The following FRMPD4 variants were observed in gnomAD, a reference collection of about 807,000 sequenced individuals.
The protein encoded by FRMPD4 is FERM and PDZ domain-containing protein 4.
FRMPD4 carries 22 observed loss-of-function variants against 94.1 expected under a neutral mutation model. The observed-to-expected ratio is 0.23, with a 90% confidence interval of 0.17 to 0.33. The LOEUF (loss-of-function observed/expected upper bound fraction) is 0.33, where lower values mean the gene tolerates loss of function less well. Ranked by LOEUF, FRMPD4 falls within the 10% of genes least tolerant of loss-of-function variation. The pLI is 1.00. For missense variants in FRMPD4, 1,111 were observed against 1,339.9 expected (o/e 0.83, Z 2.67); for synonymous variants, 631 against 548.6 (o/e 1.15, Z -2.10).
chrX:12,018,588 G>C (rs1489013081), intron 3 of FRMPD4, among the ~76,000 whole-genome samples: 1 of 109,761 alleles, frequency 9.1e-6, no homozygotes, highest in Non-Finnish European at 1.9e-5. Context: ...GGTAATTTTT[G>C]TATTTTTAAT....
intron 3 of FRMPD4, among the ~76,000 whole-genome samples, chrX:12,012,696 C>T (rs1226588670): frequency 8.9e-6 from 1 of 112,286 alleles, no homozygotes; most frequent in Non-Finnish European, 1.9e-5. Context: ...AAATTTGTGT[C>T]TTACTGTAGT....
chrX:11,981,296 G>T (rs1269742887), intron 3 of FRMPD4, among the ~76,000 whole-genome samples: 3 of 111,443 alleles, frequency 2.7e-5, no homozygotes, highest in Admixed American at 9.5e-5. Flanking sequence ...ATTAAGAGAG[G>T]TAATATTAAT....
At chrX:12,195,415 A>T (rs1262613804) in intron 1 of FRMPD4, among the ~76,000 whole-genome samples, 1 of 111,953 alleles carries the variant, frequency 8.9e-6, no homozygotes, top group African/African-American at 3.3e-5. Flanking sequence ...AAAGATACGG[A>T]CCAAGTCTGG....
intron 3 of FRMPD4, among the ~76,000 whole-genome samples, chrX:11,984,641 T>C (rs1012465479): frequency 6.2e-5 from 7 of 112,330 alleles, no homozygotes; most frequent in African/African-American, 2.3e-4. Flanking sequence ...TGTTAATCAT[T>C]TGTCCTCTTC....
At chrX:12,013,973 C>T (rs190413724) in intron 3 of FRMPD4, among the ~76,000 whole-genome samples, 37 of 112,559 alleles carry the variant, frequency 3.3e-4, no homozygotes, top group African/African-American at 1.2e-3. Flanking sequence ...GAAAATGATC[C>T]TCAAATCAGA....
intron 1 of FRMPD4, among the ~76,000 whole-genome samples, chrX:12,229,996 C>T (rs2056966303): frequency 8.9e-6 from 1 of 111,747 alleles, no homozygotes; most frequent in African/African-American, 3.3e-5. Flanking sequence ...GATGTGTCCT[C>T]TACCATCCAC....
intron 1 of FRMPD4, among the ~76,000 whole-genome samples, chrX:12,166,185 G>A (rs1266068417): frequency 1.8e-5 from 2 of 111,892 alleles, no homozygotes; most frequent in African/African-American, 3.3e-5. Flanking sequence ...TTGGCTGTGG[G>A]TTTGTCATAG....
At position 12,700,917 on chromosome X, in the gene FRMPD4, C is replaced by CTCAA. The variant is rs763561263; in HGVS notation, c.934-954_934-953insATCA. 8.0e-3 allele frequency among the ~76,000 whole-genome samples: 878 copies of CTCAA among 109,713 alleles called. 10 individuals are homozygous for CTCAA. Among genetic ancestry groups the CTCAA allele is most frequent in the African/African-American group, 0.027 (820 of 30,104 alleles). The stretch of plus-strand genomic sequence containing the variant: ...TATGAGTCCCAAGCCACTGTGCTCA[C>CTCAA]TCACCGTGCTAATTCTGCCTCCCTG... On this transcript the variant is annotated intron_variant, in intron 9 of 16. Coordinates refer to ENST00000675598, the MANE Select transcript of FRMPD4 (RefSeq NM_001368397.1).
chrX:12,472,623 C>T (rs1450762427), intron 1 of FRMPD4, among the ~76,000 whole-genome samples: 1 of 111,785 alleles, frequency 8.9e-6, no homozygotes, highest in African/African-American at 3.3e-5. Flanking sequence ...CTTAAAGGAC[C>T]TGATGGAGCG....
At chrX:11,858,476 C>T (rs929978246) in intron 1 of FRMPD4, among the ~76,000 whole-genome samples, 1 of 111,255 alleles carries the variant, frequency 9.0e-6, no homozygotes, top group African/African-American at 3.3e-5. Context: ...ACCACGTGTT[C>T]TCACTTATAA....
At chrX:12,533,316 C>A (rs746096261) in intron 2 of FRMPD4, among the ~76,000 whole-genome samples, 1 of 112,263 alleles carries the variant, frequency 8.9e-6, no homozygotes, top group African/African-American at 3.2e-5. Context: ...GTCCAATAAA[C>A]CTCTTTCTTT....
chrX:12,236,476 A>G lies in FRMPD4; in HGVS notation c.41+97464A>G, dbSNP rs2057072066. Among the ~76,000 whole-genome samples the G allele has an allele frequency of 2.7e-5, 3 of 111,898 alleles. No homozygotes were observed. The Admixed American group carries it at 2.8e-4, about 11-fold the overall frequency. ...GGGATTCAGTCCTATTTATCTTTGAATCATTACTACTTTCACAGTAAATTG... is the reference window on the plus strand; with the variant it reads ...GGGATTCAGTCCTATTTATCTTTGAGTCATTACTACTTTCACAGTAAATTG... On this transcript the variant is annotated intron_variant, in intron 1 of 16. Transcript: ENST00000675598.
At chrX:12,039,094 T>C (rs773929310) in intron 3 of FRMPD4, among the ~76,000 whole-genome samples, 2 of 110,986 alleles carry the variant, frequency 1.8e-5, no homozygotes, top group African/African-American at 6.5e-5. Flanking sequence ...CTTTGACCTC[T>C]CTTGCTGAAG....
At chrX:12,083,009 C>A (rs1031193676) in intron 3 of FRMPD4, among the ~76,000 whole-genome samples, 3 of 112,354 alleles carry the variant, frequency 2.7e-5, no homozygotes, top group Non-Finnish European at 5.6e-5. Context: ...AAATGAAAAA[C>A]CCATTTTTTG....
At chrX:12,153,003 G>A (rs1393949842) in intron 1 of FRMPD4, among the ~76,000 whole-genome samples, 1 of 101,723 alleles carries the variant, frequency 9.8e-6, no homozygotes. Flanking sequence ...GCGCAATCTC[G>A]GCTCACTGCA....
At chrX:11,881,168 A>G (rs994205111) in intron 3 of FRMPD4, among the ~76,000 whole-genome samples, 1 of 112,615 alleles carries the variant, frequency 8.9e-6, no homozygotes. Flanking sequence ...AGGATGTGGA[A>G]CAACTGGAAC....
intron 3 of FRMPD4, among the ~76,000 whole-genome samples, chrX:12,107,307 A>G (rs2055308260): frequency 8.9e-6 from 1 of 112,192 alleles, no homozygotes. Flanking sequence ...GTGGACCTCC[A>G]GCAAACTCCA....
At chrX:12,530,336 G>C (rs1266547875) in intron 2 of FRMPD4, among the ~76,000 whole-genome samples, 1 of 111,512 alleles carries the variant, frequency 9.0e-6, no homozygotes, top group Non-Finnish European at 1.9e-5. Flanking sequence ...AGTAAATCTA[G>C]AAACATGAAT....
chrX:12,161,949 A>T (rs755071848), intron 1 of FRMPD4, among the ~76,000 whole-genome samples: 1 of 112,030 alleles, frequency 8.9e-6, no homozygotes, highest in East Asian at 2.8e-4. Flanking sequence ...AGTCCCAAGT[A>T]GCCCTGTTTT....
Sources: allele counts gnomAD v4.1 joint callset (sites outside exome capture counted in the v4.1 genomes callset), GRCh38; gene constraint gnomAD v4.1.1; transcripts MANE v1.5; gene names NCBI Gene and HGNC (gene_info 2026-07-23, HGNC 2026-07-21).